IGF2BP3: variants seen among roughly 807,000 people sequenced by gnomAD.
The protein encoded by IGF2BP3 is insulin-like growth factor 2 mRNA-binding protein 3.
A neutral mutation model predicts 73.8 loss-of-function variants in IGF2BP3; 9 were observed. That is an observed-to-expected ratio of 0.12 (90% CI 0.07 to 0.21). The LOEUF (loss-of-function observed/expected upper bound fraction) is 0.21, where lower values mean the gene tolerates loss of function less well. IGF2BP3 is among the 10% of genes least tolerant of loss of function. IGF2BP3 has a pLI of 1.00. For synonymous variants in IGF2BP3, 258 were observed against 256.7 expected, an observed-to-expected ratio of 1.01 and a Z score of -0.05; for missense variants, 542 against 714.0, an observed-to-expected ratio of 0.76 and a Z score of 2.75.
chr7:23,430,699 CT>C (rs1355750133), intron 2 of IGF2BP3, among the ~76,000 whole-genome samples: 2 of 152,236 alleles, frequency 1.3e-5, no homozygotes, highest in Non-Finnish European at 2.9e-5. Flanking sequence ...CAAGCAAATA[CT>C]TGGGAAAATG....
At chr7:23,424,991 T>C (rs780585468) in intron 2 of IGF2BP3, among the ~76,000 whole-genome samples, 7 of 152,218 alleles carry the variant, frequency 4.6e-5, no homozygotes, top group African/African-American at 7.2e-5. Context: ...TAGCATGCCA[T>C]GCTGAACTAC....
chr7:23,327,318 T>C (rs569108538), intron 10 of IGF2BP3, among the ~76,000 whole-genome samples: 1 of 147,138 alleles, frequency 6.8e-6, no homozygotes, highest in Non-Finnish European at 1.5e-5. Flanking sequence ...TCTCGCTCTG[T>C]GGCCCAGGCT....
At position 23,347,660 on chromosome 7, in the gene IGF2BP3, G is replaced by C. The variant is rs759569507; in HGVS notation, c.758C>G (p.Thr253Ser). The stretch of plus-strand genomic sequence containing the variant: ...CAGAATAGACTTACAAGCCGCAGAG[G>C]TGCCTTCAGGAGTAGAGAGGATAGT... Reference protein sequence around the residue: ...SITILSTPEGTSAACKSILEI... With the variant: ...SITILSTPEGSSAACKSILEI... The change falls in exon 7 of 15, where the codon ACC becomes AGC. Residue 253 changes from threonine (T) to serine (S), a missense_variant. Coordinates refer to ENST00000258729, the MANE Select transcript of IGF2BP3 (RefSeq NM_006547.3). 1 of 1,614,074 alleles carries C rather than the reference G, an allele frequency of 6.2e-7. No individual in the cohort carries two copies. The highest frequency in any genetic ancestry group is 8.5e-7 in the Non-Finnish European group (1 of 1,180,002).
chr7:23,440,685 C>T (rs1171759824), intron 2 of IGF2BP3, among the ~76,000 whole-genome samples: 2 of 152,206 alleles, frequency 1.3e-5, no homozygotes, highest in African/African-American at 4.8e-5. Context: ...GGGAGCGGCA[C>T]ACCAGGACTC....
At chr7:23,370,975 A>C (rs964289755) in intron 3 of IGF2BP3, among the ~76,000 whole-genome samples, 6 of 152,128 alleles carry the variant, frequency 3.9e-5, no homozygotes, top group African/African-American at 1.4e-4. Flanking sequence ...CACTGCGCCC[A>C]GCCAGTTCTA....
chr7:23,444,609 G>A (rs56685747), intron 2 of IGF2BP3, among the ~76,000 whole-genome samples: 14,700 of 151,924 alleles, frequency 0.097, 788 homozygotes, highest in Middle Eastern at 0.14. Flanking sequence ...TGAGCATGGT[G>A]GTAAGTGCTG....
intron 10 of IGF2BP3, among the ~76,000 whole-genome samples, chr7:23,339,770 T>C (rs1024051143): frequency 6.6e-6 from 1 of 152,204 alleles, no homozygotes; most frequent in African/African-American, 2.4e-5. Context: ...AGCACAGAGT[T>C]ACGTCACATG....
rs79887697 is a variant in IGF2BP3, at chr7:23,339,941, C to G, written c.1203+2123G>C. Among the ~76,000 whole-genome samples, 317 of 152,320 alleles carry G rather than the reference C, an allele frequency of 2.1e-3. 1 individual carries two copies. The East Asian group carries it at 0.027, about 13-fold the overall frequency. On this transcript the variant is annotated intron_variant, in intron 10 of 14. Transcript: ENST00000258729. ...ATTCCTATTTTAGGCTCATTCTCCC[C>G]TATTCCTCCTTAAACCTTTCATATT...
chr7:23,334,435 T>G (rs1194753386), intron 10 of IGF2BP3, among the ~76,000 whole-genome samples: 1 of 152,254 alleles, frequency 6.6e-6, no homozygotes, highest in Non-Finnish European at 1.5e-5. Flanking sequence ...AAATTTTTAC[T>G]TGCAAAACTC....
chr7:23,452,539 C>T (rs1351891444), intron 2 of IGF2BP3, among the ~76,000 whole-genome samples: 1 of 152,106 alleles, frequency 6.6e-6, no homozygotes, highest in Non-Finnish European at 1.5e-5. Context: ...CGTGGTGGCT[C>T]ATGCCTGTAA....
intron 3 of IGF2BP3, among the ~76,000 whole-genome samples, chr7:23,382,824 G>A (rs1785952931): frequency 6.8e-6 from 1 of 147,446 alleles, no homozygotes; most frequent in Admixed American, 6.8e-5. Flanking sequence ...AGGGGTAAGG[G>A]AGGGTAGAGA....
At chr7:23,434,804 T>C (rs952929774) in intron 2 of IGF2BP3, among the ~76,000 whole-genome samples, 9 of 152,172 alleles carry the variant, frequency 5.9e-5, no homozygotes, top group African/African-American at 2.2e-4. Context: ...ACAGGTATGT[T>C]TACCACACTT....
chr7:23,438,392 G>A (rs868235318), intron 2 of IGF2BP3, among the ~76,000 whole-genome samples: 21 of 152,182 alleles, frequency 1.4e-4, no homozygotes, highest in African/African-American at 4.8e-4. Flanking sequence ...TGGAATTACA[G>A]GCATGAACCA....
At chr7:23,389,414 C>A (rs887721699) in intron 3 of IGF2BP3, among the ~76,000 whole-genome samples, 1 of 152,120 alleles carries the variant, frequency 6.6e-6, no homozygotes, top group African/African-American at 2.4e-5. Context: ...CCCACCTCAG[C>A]CTCCCAAAGT....
Position 23,354,471 on chromosome 7 carries a change from T to G in IGF2BP3, c.402-2885A>C, listed in dbSNP as rs111702689. ...GAGTAAGTATATTTTGACTAGTAAA[T>G]TAAGTCATTAATGTTACAAAAATGG... On this transcript the variant is annotated intron_variant, in intron 5 of 14. Coordinates refer to ENST00000258729, the MANE Select transcript of IGF2BP3 (RefSeq NM_006547.3). Among the ~76,000 whole-genome samples the G allele has an allele frequency of 4.6e-3, 708 of 152,286 alleles. 6 individuals carry two copies. The highest frequency in any genetic ancestry group is 0.016 in the African/African-American group (654 of 41,548).
At chr7:23,403,972 AAT>A (rs988999292) in intron 3 of IGF2BP3, among the ~76,000 whole-genome samples, 2 of 151,028 alleles carry the variant, frequency 1.3e-5, no homozygotes, top group African/African-American at 4.9e-5. Context: ...CAAAAAAAAA[AAT>A]TTTTTTTTTT....
chr7:23,446,761 T>A (rs1243872102), intron 2 of IGF2BP3, among the ~76,000 whole-genome samples: 1 of 152,104 alleles, frequency 6.6e-6, no homozygotes, highest in African/African-American at 2.4e-5. Context: ...GAAAAAATAG[T>A]AACTTTACCC....
chr7:23,395,560 G>T (rs1419458545), intron 3 of IGF2BP3, among the ~76,000 whole-genome samples: 2 of 151,982 alleles, frequency 1.3e-5, no homozygotes, highest in African/African-American at 2.4e-5. Flanking sequence ...CCAGGAATTT[G>T]AGACCAGCCT....
At chr7:23,457,476 T>A (rs4445126) in intron 2 of IGF2BP3, among the ~76,000 whole-genome samples, 51,410 of 149,970 alleles carry the variant, frequency 0.34, 9,001 homozygotes, top group Middle Eastern at 0.41. Flanking sequence ...AAAAAAAAAA[T>A]TTTTTTTAAA....
Sources: allele counts gnomAD v4.1 joint callset (sites outside exome capture counted in the v4.1 genomes callset), GRCh38; gene constraint gnomAD v4.1.1; transcripts MANE v1.5; gene names NCBI Gene and HGNC (gene_info 2026-07-23, HGNC 2026-07-21).